MROH2A: variants seen among roughly 807,000 people sequenced by gnomAD.
The protein encoded by MROH2A is maestro heat like repeat family member 2A.
A neutral mutation model predicts 200.4 loss-of-function variants in MROH2A; 174 were observed. The observed-to-expected ratio is 0.87, with a 90% CI of 0.77 to 0.98. The LOEUF is 0.98. Ranked by LOEUF, MROH2A falls within the 50% of genes least tolerant of loss-of-function variation. The pLI is 0.00. For synonymous variants in MROH2A, 829 were observed against 840.4 expected (o/e 0.99, Z 0.23); for missense variants, 2,045 against 2,139.6 (o/e 0.96, Z 0.87).
At chr2:233,815,035 A>G (rs1469235221) in intron 26 of MROH2A, among the ~76,000 whole-genome samples, 1 of 152,220 alleles carries the variant, frequency 6.6e-6, no homozygotes, top group African/African-American at 2.4e-5. Context: ...GACACGATGC[A>G]TGTATTAAAA....
intron 3 of MROH2A, among the ~76,000 whole-genome samples, chr2:233,788,887 C>T (rs973178641): frequency 3.4e-4 from 43 of 127,064 alleles, no homozygotes; most frequent in African/African-American, 1.0e-3. Context: ...TGCAGTGAGG[C>T]GAAATCGCGC....
chr2:233,823,202 G>A (rs904010406), intron 34 of MROH2A, among the ~76,000 whole-genome samples, 184 bp downstream of exon 34: 3 of 152,204 alleles, frequency 2.0e-5, no homozygotes, highest in Non-Finnish European at 2.9e-5. Flanking sequence ...CCTTTTATTC[G>A]AACCCTTCCT....
chr2:233,822,509 G>A lies in MROH2A; in HGVS notation c.3819G>A (p.Trp1273Ter), dbSNP rs1407400384. ...CCGCCCCGCCGGTCTTGAAGATGTG[G>A]AAGCTGGTCCACACCACTCCTCTGC... is the stretch of plus-strand genomic sequence containing the variant. ...PEAAPPVLKM[W>*]KLVHTTPLPE... Residue 1273 changes from tryptophan to a stop codon, truncating the protein, a stop_gained, in exon 33 of 42, where the codon TGG (tryptophan) becomes TGA (stop). Transcript: ENST00000389758. LOFTEE classifies it high-confidence loss of function. The A allele has an allele frequency of 6.4e-7, 1 of 1,550,510 alleles. No homozygotes were observed.
chr2:233,787,517 C>T lies in MROH2A; in HGVS notation c.277-1980C>T, dbSNP rs1701276332. Among the ~76,000 whole-genome samples, 4 of 115,996 alleles carry T rather than the reference C, an allele frequency of 3.4e-5. No homozygotes were observed. In the South Asian group the frequency reaches 7.1e-4, roughly 21 times the overall value. 76.1% of individuals were successfully genotyped at this position (115,996 alleles called of 152,430 possible). On this transcript the variant is annotated intron_variant, in intron 3 of 41. Coordinates refer to ENST00000389758, the MANE Select transcript of MROH2A (RefSeq NM_001394639.1). ...TACATATACATATATATTATATATACATATATATTACATATATCATATATA... is the reference window on the plus strand; with the variant it reads ...TACATATACATATATATTATATATATATATATATTACATATATCATATATA...
chr2:233,800,344 T>C, intron 14 of MROH2A, 29 bp downstream of exon 14: 1 of 1,352,644 alleles, frequency 7.4e-7, no homozygotes, highest in Middle Eastern at 2.1e-4. Context: ...ACCCGCACAG[T>C]GGGTCACCAC....
intron 2 of MROH2A, 64 bp from the exon 3 acceptor site, chr2:233,779,607 A>C (rs755341881): frequency 6.6e-7 from 1 of 1,519,600 alleles, no homozygotes; most frequent in East Asian, 2.5e-5. Flanking sequence ...AAGGCCAGGG[A>C]CACAAGGGCA....
At position 233,807,879 on chromosome 2, in the gene MROH2A, TG is replaced by T. The variant is rs1702911121; in HGVS notation, c.2295+27del. 1.3e-6 allele frequency: 2 copies of T among 1,550,824 alleles called. No individual in the cohort carries two copies. The highest frequency in any genetic ancestry group is 1.7e-6 in the Non-Finnish European group (2 of 1,147,056). On this transcript the variant is annotated intron_variant, in intron 21 of 41. Coordinates refer to ENST00000389758, the MANE Select transcript of MROH2A (RefSeq NM_001394639.1). The surrounding 1 kb of genome is among the most constrained non-coding windows in gnomAD (Gnocchi z 4.3). ...GGGTAAGCCACCTTCCCTCCACAAC[TG>T]GGTCTTGGGATCTCTTAGCACAGTG...
chr2:233,778,178 A>G (rs1414198878), upstream of MROH2A, among the ~76,000 whole-genome samples: 1 of 152,220 alleles, frequency 6.6e-6, no homozygotes, highest in Non-Finnish European at 1.5e-5. Context: ...GAATGACAAC[A>G]TGATGTGGAG....
At chr2:233,783,398 C>T (rs984577401) in intron 3 of MROH2A, among the ~76,000 whole-genome samples, 7 of 152,014 alleles carry the variant, frequency 4.6e-5, no homozygotes, top group South Asian at 2.1e-4. Flanking sequence ...TCTCATTATT[C>T]GATACTGGTT....
chr2:233,777,879 C>T (rs763517112), upstream of MROH2A, among the ~76,000 whole-genome samples: 4 of 152,210 alleles, frequency 2.6e-5, no homozygotes, highest in Non-Finnish European at 5.9e-5. Context: ...AGGGTGCCTC[C>T]TCTCCTACCT....
Position 233,811,402 on chromosome 2 carries a change from C to T in MROH2A, c.2572-478C>T, listed in dbSNP as rs1236013887. On this transcript the variant is annotated intron_variant, in intron 23 of 41. Transcript: ENST00000389758. ...AATCCCCAGGCCTCCCCACTCATGT[C>T]ATTGCCAGTGCCTTGGCCTCTCAAA... 2.0e-5 allele frequency among the ~76,000 whole-genome samples: 3 copies of T among 152,230 alleles called. No homozygotes were observed. The East Asian group carries it at 5.8e-4, about 29-fold the overall frequency.
chr2:233,819,870 C>T, intron 30 of MROH2A, 32 bp from the exon 31 acceptor site: 1 of 1,477,474 alleles, frequency 6.8e-7, no homozygotes. Context: ...GGGGCCTGGG[C>T]TGCCCCCCGG....
In MROH2A at chr2:233,802,339, G is replaced by T. The variant is rs781666453; in HGVS notation, c.1708+24G>T. 4 of 1,541,946 alleles carry T rather than the reference G, an allele frequency of 2.6e-6. No individual in the cohort carries two copies. In the South Asian group the frequency reaches 4.8e-5, roughly 19 times the overall value. On this transcript the variant is annotated intron_variant, in intron 15 of 41. Coordinates refer to ENST00000389758, the MANE Select transcript of MROH2A (RefSeq NM_001394639.1). ...AGGTGGGCAAAGTTCCTGTCCAGCT[G>T]ATTGGATTGGGCAGGTGGGCTGGCT...
At chr2:233,806,529 A>G (rs1354036059) in intron 19 of MROH2A, among the ~76,000 whole-genome samples, 2 of 152,218 alleles carry the variant, frequency 1.3e-5, no homozygotes, top group Non-Finnish European at 2.9e-5. Flanking sequence ...ATTAAAACGG[A>G]TCATGAGAAT....
intron 37 of MROH2A, among the ~76,000 whole-genome samples, chr2:233,829,313 C>T (rs1704554611): frequency 1.3e-5 from 2 of 152,084 alleles, no homozygotes; most frequent in South Asian, 2.1e-4. Context: ...AAGGGTCTCC[C>T]CCTTTTATTC....
intron 35 of MROH2A, among the ~76,000 whole-genome samples, chr2:233,826,642 C>T (rs1374509251): frequency 6.6e-6 from 1 of 152,076 alleles, no homozygotes; most frequent in East Asian, 1.9e-4. Flanking sequence ...TAGGCAATAC[C>T]ATTCAGGACA....
chr2:233,802,405 C>T (rs1322325885), intron 15 of MROH2A, 90 bp downstream of exon 15: 2 of 1,365,696 alleles, frequency 1.5e-6, no homozygotes, highest in East Asian at 2.5e-5. Context: ...ATTCCTCCCA[C>T]CCTCATTCCC....
intron 19 of MROH2A, among the ~76,000 whole-genome samples, chr2:233,806,065 C>G (rs1702772695): frequency 1.3e-5 from 2 of 152,088 alleles, no homozygotes; most frequent in African/African-American, 4.8e-5. Flanking sequence ...AATTGGACAT[C>G]ATGAAAATTA....
chr2:233,807,975 A>T lies in MROH2A; in HGVS notation c.2295+120A>T, dbSNP rs1702915176. On this transcript the variant is annotated intron_variant, in intron 21 of 41. Transcript: ENST00000389758. The surrounding 1 kb of genome is among the most constrained non-coding windows in gnomAD (Gnocchi z 4.3). ...CTTGCCTCACACGGAGTCTCCTGTC[A>T]TCAAAATGGCTGAGACATTGTCTTA... 1 of 1,270,898 alleles carries T rather than the reference A, an allele frequency of 7.9e-7. No homozygotes were observed. The highest frequency in any genetic ancestry group is 2.1e-5 in the Admixed American group (1 of 46,628). The allele number at this position is 1,270,898 out of a possible 1,614,324, so 78.7% of individuals were successfully genotyped here.
Sources: gnomAD v4.1 joint callset for allele counts (sites outside exome capture counted in the v4.1 genomes callset) on GRCh38, gnomAD v4.1.1 for gene constraint, Gnocchi (gnomAD v3.1) non-coding constraint, MANE v1.5 for transcripts, NCBI Gene and HGNC (gene_info 2026-07-23, HGNC 2026-07-21) for gene names.